Variants in ADGRF4 observed in about 807,000 individuals in gnomAD.
The protein encoded by ADGRF4 is G-protein coupled receptor PGR18.
A neutral mutation model predicts 58.5 loss-of-function variants in ADGRF4; 63 were observed. The observed-to-expected ratio is 1.08, with a 90% CI of 0.88 to 1.33. The LOEUF (loss-of-function observed/expected upper bound fraction) is 1.33, where lower values mean the gene tolerates loss of function less well. Ranked by LOEUF, ADGRF4 falls within the 40% of genes most tolerant of loss-of-function variation. ADGRF4 has a pLI of 0.00. For synonymous variants in ADGRF4, 313 were observed against 295.4 expected, an observed-to-expected ratio of 1.06 and a Z score of -0.61; for missense variants, 931 against 843.9, an observed-to-expected ratio of 1.10 and a Z score of -1.28.
chr6:47,718,745 C>T (rs1224641730), intron 9 of ADGRF4, among the ~76,000 whole-genome samples: 1 of 152,120 alleles, frequency 6.6e-6, no homozygotes, highest in Non-Finnish European at 1.5e-5. Flanking sequence ...CTCATAATAG[C>T]CCCATTGTTG....
At chr6:47,707,561 G>C (rs6900318) in intron 2 of ADGRF4, among the ~76,000 whole-genome samples, 49,608 of 152,068 alleles carry the variant, frequency 0.33, 8,904 homozygotes, top group Middle Eastern at 0.52. Context: ...AGCTGCAATG[G>C]GAAATGTAGA....
At chr6:47,707,920 C>T (rs959515613) in intron 2 of ADGRF4, among the ~76,000 whole-genome samples, 1 of 152,188 alleles carries the variant, frequency 6.6e-6, no homozygotes, top group Non-Finnish European at 1.5e-5. Flanking sequence ...GTTTAATTCT[C>T]ATCTCTGTGT....
chr6:47,715,331 A>C, intron 6 of ADGRF4, 154 bp downstream of exon 6: 1 of 617,378 alleles, frequency 1.6e-6, no homozygotes, highest in Non-Finnish European at 2.7e-6. Context: ...ATTGATTGTC[A>C]AGTTGAATTT....
intron 1 of ADGRF4, among the ~76,000 whole-genome samples, chr6:47,699,300 T>C (rs1771531130): frequency 6.6e-6 from 1 of 152,276 alleles, no homozygotes; most frequent in African/African-American, 2.4e-5. Flanking sequence ...CTATGCTACT[T>C]GAAGGTCTAT....
intron 7 of ADGRF4, 53 bp from the exon 8 acceptor site, chr6:47,717,239 T>C: frequency 7.8e-7 from 1 of 1,277,438 alleles, no homozygotes; most frequent in East Asian, 2.3e-5. Flanking sequence ...CAGGCAATTC[T>C]GTTGTTTCTT....
rs760691886 is a variant in ADGRF4 at position 47,710,707 on chromosome 6, C to G, written c.149-28C>G. ...GGAAATCCTAATTGGGCTCCTGTCT[C>G]TCTCTCTTTCTCTTTTTTTCTTTAT... On this transcript the variant is annotated intron_variant, in intron 3 of 9. Transcript: ENST00000283303. 3.9e-6 allele frequency: 6 copies of G among 1,525,094 alleles called. No homozygotes were observed. The South Asian group carries it at 6.2e-5, about 16-fold the overall frequency. The allele number at this position is 1,525,094 out of a possible 1,614,324, so 94.5% of individuals were successfully genotyped here.
intron 4 of ADGRF4, among the ~76,000 whole-genome samples, 156 bp from the exon 5 acceptor site, chr6:47,712,201 T>G (rs1211604569): frequency 6.6e-6 from 1 of 152,246 alleles, no homozygotes; most frequent in Non-Finnish European, 1.5e-5. Flanking sequence ...CTGATCCCAC[T>G]GTATCGTCTC....
chr6:47,708,132 T>G, intron 2 of ADGRF4, 92 bp from the exon 3 acceptor site: 3 of 912,770 alleles, frequency 3.3e-6, no homozygotes, highest in Non-Finnish European at 5.3e-6. Flanking sequence ...CCTGAACACA[T>G]TTTCTTTTCA....
chr6:47,713,293 T>G (rs1771916317), intron 5 of ADGRF4, among the ~76,000 whole-genome samples: 1 of 152,184 alleles, frequency 6.6e-6, no homozygotes, highest in Admixed American at 6.5e-5. Context: ...GAGATTCCAT[T>G]TTTAAAAGGG....
At chr6:47,712,956 A>AAAG (rs1271700490) in intron 5 of ADGRF4, among the ~76,000 whole-genome samples, 1 of 152,172 alleles carries the variant, frequency 6.6e-6, no homozygotes, top group Non-Finnish European at 1.5e-5. Context: ...GTGGCCTCTT[A>AAAG]GGATCTGGGC....
At chr6:47,711,657 C>T (rs1205588734) in intron 4 of ADGRF4, among the ~76,000 whole-genome samples, 4 of 152,272 alleles carry the variant, frequency 2.6e-5, no homozygotes, top group South Asian at 4.2e-4. Flanking sequence ...TACAACACAT[C>T]CAGTTAAAGT....
rs772257067 is a variant in ADGRF4 at position 47,715,061 on chromosome 6, AATGTTGCC to A, written c.1819_1826del (p.Val607ProfsTer69). 6.2e-7 allele frequency: 1 copy of A among 1,613,212 alleles called. No individual in the cohort carries two copies. The highest frequency in any genetic ancestry group is 1.1e-5 in the South Asian group (1 of 91,058). ...GGTCATAATTATGAGGATCAGCAAA[AATGTTGCC>A]ATCCTCACTCCACTGCTGGGACTGA... On this transcript the variant is annotated frameshift_variant, in exon 6 of 10. Transcript: ENST00000283303. LOFTEE classifies it high-confidence loss of function.
At chr6:47,716,986 G>GA (rs920122964) in intron 7 of ADGRF4, 139 bp downstream of exon 7, 10,198 of 509,716 alleles carry the variant, frequency 0.02, no homozygotes, top group South Asian at 0.031. Flanking sequence ...GCTGTGAAAA[G>GA]AAAAAAAAAA....
rs116118265 is a variant in ADGRF4 at position 47,712,520 on chromosome 6, C to T, written c.464C>T (p.Thr155Ile). ...ACTGACATGGTGAAATCATCAGAAA[C>T]AACATCTGGAAATATTGCATTTATA... The part of the protein sequence containing the change: ...CITDMVKSSE[T>I]TSGNIAFIVE... The change falls in exon 5 of 10, where the codon ACA (threonine) becomes ATA (isoleucine). Residue 155 changes from threonine to isoleucine, a missense_variant. Thr to Ile is a moderately conservative substitution (Grantham distance 89). Coordinates refer to ENST00000283303, the MANE Select transcript of ADGRF4 (RefSeq NM_153838.5). The T allele has an allele frequency of 1.4e-3, 2,264 of 1,613,088 alleles. 20 individuals carry two copies. The highest frequency in any genetic ancestry group is 0.014 in the African/African-American group (1,015 of 75,002).
intron 1 of ADGRF4, among the ~76,000 whole-genome samples, chr6:47,702,194 C>T (rs1399282809): frequency 1.3e-5 from 2 of 152,166 alleles, no homozygotes; most frequent in African/African-American, 4.8e-5. Flanking sequence ...AGTTTTCTTA[C>T]TACAAGAAAT....
chr6:47,712,031 A>G (rs1425292493), intron 4 of ADGRF4, among the ~76,000 whole-genome samples: 1 of 151,624 alleles, frequency 6.6e-6, no homozygotes, highest in Non-Finnish European at 1.5e-5. Context: ...TCCCAAATCC[A>G]CTCCCCCATG....
At position 47,710,887 on chromosome 6, in the gene ADGRF4, G is replaced by A; in HGVS notation, c.300+1G>A. 1 of 1,607,124 alleles carries A rather than the reference G, an allele frequency of 6.2e-7. No homozygotes were observed. ...CCTTTCTGTGGAAAAACTCTTTAAGGTGATGCATTCACAAATTATTGGTGA... is the reference window on the plus strand; with the variant it reads ...CCTTTCTGTGGAAAAACTCTTTAAGATGATGCATTCACAAATTATTGGTGA... On this transcript the variant is annotated splice_donor_variant, in intron 4 of 9. Transcript: ENST00000283303. LOFTEE classifies it high-confidence loss of function.
At chr6:47,707,892 G>A (rs1000914071) in intron 2 of ADGRF4, among the ~76,000 whole-genome samples, 3 of 152,070 alleles carry the variant, frequency 2.0e-5, no homozygotes, top group Non-Finnish European at 2.9e-5. Flanking sequence ...GTTAATACAG[G>A]CAGAGAACAG....
chr6:47,714,025 G>A lies in ADGRF4; in HGVS notation c.780G>A (p.Met260Ile), dbSNP rs1373456842. 12 of 1,608,750 alleles carry A rather than the reference G, an allele frequency of 7.5e-6. No individual in the cohort carries two copies. The highest frequency in any genetic ancestry group is 6.7e-5 in the South Asian group (6 of 89,862). Reference sequence around the variant, plus strand: ...CAGAGAAAAGCCTCAATTTCTCCATGAGCATGAACAATACCACAGAAGATA... The same window carrying A: ...CAGAGAAAAGCCTCAATTTCTCCATAAGCATGAACAATACCACAGAAGATA... Reference protein sequence around the residue: ...NTSEKSLNFSMSMNNTTEDIL... With the variant: ...NTSEKSLNFSISMNNTTEDIL... The change falls in exon 6 of 10, where the codon ATG (methionine) becomes ATA (isoleucine). Residue 260 changes from methionine to isoleucine, a missense_variant. Coordinates refer to ENST00000283303, the MANE Select transcript of ADGRF4 (RefSeq NM_153838.5).
Sources: allele counts gnomAD v4.1 joint callset (sites outside exome capture counted in the v4.1 genomes callset), GRCh38; gene constraint gnomAD v4.1.1; transcripts MANE v1.5; gene names NCBI Gene and HGNC (gene_info 2026-07-23, HGNC 2026-07-21).